Variants in ZNF717 observed in about 807,000 individuals in gnomAD.
ZNF717 encodes zinc finger protein 717, also known as krueppel-like factor X17.
A neutral mutation model predicts 13.8 loss-of-function variants in ZNF717; 9 were observed. The ratio of observed to expected loss-of-function variants is 0.65; its 90% CI spans 0.39 to 1.14. ZNF717 has a LOEUF of 1.14. Ranked by LOEUF, ZNF717 falls within the 50% of genes most tolerant of loss-of-function variation. The pLI, the probability that ZNF717 is intolerant of heterozygous loss-of-function variation, is 0.01. For missense variants in ZNF717, 1,040 were observed against 1,080.7 expected, an observed-to-expected ratio of 0.96 and a Z score of 0.53; for synonymous variants, 327 against 364.1, an observed-to-expected ratio of 0.90 and a Z score of 1.16.
chr3:75,730,209 A>G (rs77332580), exon 6 of ZNF717: 1 of 143,990 alleles, frequency 6.9e-6, no homozygotes, highest in Non-Finnish European at 1.5e-5. Context: ...GAAAGTTACA[A>G]GACCATATTG....
At chr3:75,770,863 C>G (rs62268128) in intron 2 of ZNF717, among the ~76,000 whole-genome samples, 25,391 of 152,098 alleles carry the variant, frequency 0.17, 2,108 homozygotes, top group African/African-American at 0.18. Context: ...CCACAAAGGG[C>G]TGAATCAGTC....
chr3:75,781,610 G>C (rs6808309), intron 2 of ZNF717, among the ~76,000 whole-genome samples: 1 of 152,032 alleles, frequency 6.6e-6, no homozygotes, highest in Non-Finnish European at 1.5e-5. Flanking sequence ...TGAGAAAACC[G>C]GACAAACTCC....
At chr3:75,750,915 C>A (rs796196243) in intron 2 of ZNF717, among the ~76,000 whole-genome samples, 3 of 151,120 alleles carry the variant, frequency 2.0e-5, no homozygotes, top group Admixed American at 1.3e-4. Context: ...AACACTGTTA[C>A]GAGGGTTTGA....
In ZNF717 at chr3:75,748,174, CA is replaced by C. The variant is rs377478625; in HGVS notation, c.58-6439del. 2.7e-3 allele frequency among the ~76,000 whole-genome samples: 413 copies of C among 152,246 alleles called. 10 individuals carry two copies. The Middle Eastern group carries it at 0.037, about 14-fold the overall frequency. On this transcript the variant is annotated intron_variant, in intron 2 of 4. Coordinates refer to ENST00000652011, the MANE Select transcript of ZNF717 (RefSeq NM_001290208.3). ...GTTGAATCTCTTAATAGACCAATAA[CA>C]GGCTCTGAAATTGAGGCAATAATAG...
At position 75,730,384 on chromosome 3, in the gene ZNF717, T is replaced by A. The variant is rs1209307383; in HGVS notation, c.*229A>T. On this transcript the variant is annotated 3_prime_UTR_variant, in exon 6 of 6. Coordinates refer to the ZNF717 transcript ENST00000477374. Reference sequence around the variant, plus strand: ...AAAAAAAAGTAGAAACAGGATTTGATGTCAATTTGCTGTGCAAAGGGTAAA... The same window carrying A: ...AAAAAAAAGTAGAAACAGGATTTGAAGTCAATTTGCTGTGCAAAGGGTAAA... 5.4e-5 allele frequency: 23 copies of A among 422,086 alleles called. No homozygotes were observed. The East Asian group carries it at 8.3e-4, about 15-fold the overall frequency. The allele number at this position is 422,086 out of a possible 1,614,324, so 26.1% of individuals were successfully genotyped here.
chr3:75,770,800 C>A (rs1486692784), intron 2 of ZNF717, among the ~76,000 whole-genome samples: 1 of 152,016 alleles, frequency 6.6e-6, no homozygotes, highest in African/African-American at 2.4e-5. Flanking sequence ...GAGAGTTAAA[C>A]CTATGATGGA....
At chr3:75,782,723 G>A (rs1305971311) in intron 2 of ZNF717, among the ~76,000 whole-genome samples, 1 of 152,114 alleles carries the variant, frequency 6.6e-6, no homozygotes, top group African/African-American at 2.4e-5. Flanking sequence ...AGCAGCAGAT[G>A]ACCATTTCCA....
chr3:75,723,248 CTTTT>C (rs112455865), intron 4 of ZNF717, among the ~76,000 whole-genome samples: 1 of 88,654 alleles, frequency 1.1e-5, no homozygotes, highest in Non-Finnish European at 2.1e-5. Flanking sequence ...GACAATCTCA[CTTTT>C]TTTTTTTTTT....
chr3:75,737,928 A>G lies in ZNF717; in HGVS notation c.1695T>C (p.Cys565=), dbSNP rs1247205447. 9.5e-5 allele frequency: 148 copies of G among 1,550,804 alleles called. No individual in the cohort carries two copies. The highest frequency in any genetic ancestry group is 1.3e-4 in the Non-Finnish European group (144 of 1,146,354). Reference sequence around the variant, plus strand: ...AGTGAAAGGATTTTCCACATTCATTACATTCATAGGGTTTTTCCCCTGTGT... The same window carrying G: ...AGTGAAAGGATTTTCCACATTCATTGCATTCATAGGGTTTTTCCCCTGTGT... The part of the protein sequence containing the change: ...RTHTGEKPYE[C]NECGKSFHCK... Residue 565 remains cysteine, a synonymous_variant, in exon 5 of 5, where the codon TGT becomes TGC. Coordinates refer to ENST00000652011, the MANE Select transcript of ZNF717 (RefSeq NM_001290208.3).
intron 2 of ZNF717, among the ~76,000 whole-genome samples, chr3:75,764,467 C>A (rs140992973): frequency 1.3e-5 from 2 of 152,178 alleles, no homozygotes; most frequent in African/African-American, 4.8e-5. Context: ...GTTTGCCCAA[C>A]GTAATGAGGA....
intron 2 of ZNF717, among the ~76,000 whole-genome samples, chr3:75,746,207 C>T (rs1412567945): frequency 6.6e-6 from 1 of 152,180 alleles, no homozygotes; most frequent in African/African-American, 2.4e-5. Context: ...ATGAACTTAT[C>T]ATTTTTTATG....
At position 75,721,162 on chromosome 3, in the gene ZNF717, G is replaced by T. The variant is rs62248782; in HGVS notation, n.545-4621C>A. Among the ~76,000 whole-genome samples the T allele has an allele frequency of 9.7e-5, 14 of 144,314 alleles. No homozygotes were observed. In the East Asian group the frequency reaches 1.2e-3, roughly 13 times the overall value. The allele number at this position is 144,314 out of a possible 152,430, so 94.7% of individuals were successfully genotyped here. A position where few individuals can be genotyped will look rare whatever the true frequency, so the allele number is the denominator to read the frequency against. ...AAACTACTTGAAAATAATTAAGGTTGTTCAGGTTCAAATCAACAAATTCCA... is the reference window on the plus strand; with the variant it reads ...AAACTACTTGAAAATAATTAAGGTTTTTCAGGTTCAAATCAACAAATTCCA... On this transcript the variant is annotated intron_variant and non_coding_transcript_variant, in intron 4 of 5. Coordinates refer to the ZNF717 transcript ENST00000491507.
chr3:75,741,834 T>C, intron 2 of ZNF717, 98 bp from the exon 3 acceptor site: 2 of 1,485,042 alleles, frequency 1.3e-6, no homozygotes, highest in Non-Finnish European at 1.8e-6. Context: ...CCAGGTGAAG[T>C]GCACAGCCAC....
At chr3:75,745,461 A>G (rs1320509614) in intron 2 of ZNF717, among the ~76,000 whole-genome samples, 15 of 152,114 alleles carry the variant, frequency 9.9e-5, no homozygotes, top group Non-Finnish European at 2.1e-4. Flanking sequence ...ATCAATTCGC[A>G]TAGCTATCAT....
intron 2 of ZNF717, among the ~76,000 whole-genome samples, chr3:75,781,805 T>C (rs1016098956): frequency 1.3e-5 from 2 of 152,164 alleles, no homozygotes; most frequent in African/African-American, 2.4e-5. Flanking sequence ...AGCCCGCACA[T>C]TTGTCCGGCA....
At chr3:75,753,198 A>C (rs1203026344) in intron 2 of ZNF717, among the ~76,000 whole-genome samples, 3 of 148,988 alleles carry the variant, frequency 2.0e-5, no homozygotes, top group Non-Finnish European at 4.4e-5. Flanking sequence ...CACTGCTGCG[A>C]GTGTCTGAAT....
chr3:75,730,607 G>A, exon 6 of ZNF717: 1 of 702,298 alleles, frequency 1.4e-6, no homozygotes, highest in Non-Finnish European at 2.6e-6. Flanking sequence ...GAGTTCACAA[G>A]AGAGATCAAA....
chr3:75,719,970 A>AAAT lies in ZNF717; in HGVS notation n.545-3432_545-3430dup, dbSNP rs200443242. 7.1e-3 allele frequency among the ~76,000 whole-genome samples: 1,036 copies of AAAT among 146,176 alleles called. 22 individuals are homozygous for AAAT. Among genetic ancestry groups the AAAT allele is most frequent in the East Asian group, 0.063 (313 of 4,990 alleles). ...TGAAACTCCATCTCAAAATAATAAT[A>AAAT]AATAATAATAATAATAATAATAATA... is the stretch of plus-strand genomic sequence containing the variant. On this transcript the variant is annotated intron_variant and non_coding_transcript_variant, in intron 4 of 5. Transcript: ENST00000491507.
intron 6 of ZNF717, among the ~76,000 whole-genome samples, chr3:75,701,733 A>T (rs1395326087): frequency 1.2e-4 from 19 of 152,408 alleles, no homozygotes; most frequent in Admixed American, 1.1e-3. Context: ...TTTTTATAGC[A>T]GTGCAGAAAC....
Sources: allele counts gnomAD v4.1 joint callset (sites outside exome capture counted in the v4.1 genomes callset), GRCh38; gene constraint gnomAD v4.1.1; transcripts MANE v1.5; gene names NCBI Gene and HGNC (gene_info 2026-07-23, HGNC 2026-07-21).